FCRLB: variants seen among roughly 807,000 people sequenced by gnomAD.
FCRLB encodes Fc receptor-like B.
Under a neutral mutation model 33.6 loss-of-function variants are expected in FCRLB, and 34 were observed. The ratio of observed to expected loss-of-function variants is 1.01; its 90% CI spans 0.77 to 1.35. The LOEUF (loss-of-function observed/expected upper bound fraction) is 1.35, where lower values mean the gene tolerates loss of function less well. Ranked by LOEUF, FCRLB falls within the 40% of genes most tolerant of loss-of-function variation. FCRLB has a pLI of 0.00. For synonymous variants in FCRLB, 280 were observed against 255.9 expected (o/e 1.09, Z -0.90); for missense variants, 560 against 580.2 (o/e 0.97, Z 0.36).
chr1:161,721,580 G>C (rs1206442411), exon 1 of FCRLB: 1 of 152,150 alleles, frequency 6.6e-6, no homozygotes, highest in Non-Finnish European at 1.5e-5. Context: ...TATCTTCCTG[G>C]GAGTTGACAG....
chr1:161,723,551 A>G (rs763043596), exon 5 of FCRLB: 3 of 1,614,170 alleles, frequency 1.9e-6, no homozygotes, highest in Admixed American at 3.3e-5. Context: ...AGGTGCAGAC[A>G]CCAGGGGTGT....
In FCRLB at chr1:161,723,639, G is replaced by T. The variant is rs538594471; in HGVS notation, c.307+18G>T. 1.2e-6 allele frequency: 2 copies of T among 1,607,988 alleles called. No homozygotes were observed. The highest frequency in any genetic ancestry group is 8.5e-7 in the Non-Finnish European group (1 of 1,175,826). Reference sequence around the variant, plus strand: ...ATCCAATGGTGAGTGGACTGAGCACGAGGGGAGGGGGAGCACGTGTCTCCT... The same window carrying T: ...ATCCAATGGTGAGTGGACTGAGCACTAGGGGAGGGGGAGCACGTGTCTCCT... On this transcript the variant is annotated intron_variant, in intron 5 of 7. Transcript: ENST00000367948.
rs1403594535 is a variant in FCRLB at position 161,726,220 on chromosome 1, G to A, written c.574+133G>A. On this transcript the variant is annotated intron_variant, in intron 6 of 7. Coordinates refer to ENST00000367948, the Ensembl canonical transcript of FCRLB. The surrounding 1 kb of genome is among the most constrained non-coding windows in gnomAD (Gnocchi z 5.2). ...GGAGGGTTTCTCTTAGACTATGGACGCTGTCTCCTCTCCTTTGCCGTGAAG... is the reference window on the plus strand; with the variant it reads ...GGAGGGTTTCTCTTAGACTATGGACACTGTCTCCTCTCCTTTGCCGTGAAG... 7.1e-7 allele frequency: 1 copy of A among 1,407,276 alleles called. No individual in the cohort carries two copies. Among genetic ancestry groups the A allele is most frequent in the Non-Finnish European group, 9.8e-7 (1 of 1,016,724 alleles). 87.2% of individuals were successfully genotyped at this position (1,407,276 alleles called of 1,614,324 possible). A position where few individuals can be genotyped will look rare whatever the true frequency, so the allele number is the denominator to read the frequency against.
At chr1:161,723,557 G>A (rs1335979105) in exon 5 of FCRLB, 2 of 1,614,196 alleles carry the variant, frequency 1.2e-6, no homozygotes, top group East Asian at 2.2e-5. Flanking sequence ...AGACACCAGG[G>A]GTGTATCGAT....
At chr1:161,725,287 T>C (rs1348403595) in intron 5 of FCRLB, among the ~76,000 whole-genome samples, 1 of 152,140 alleles carries the variant, frequency 6.6e-6, no homozygotes, top group African/African-American at 2.4e-5. Flanking sequence ...CACCTACAAA[T>C]ATATCTTGCA....
At chr1:161,727,757 T>C (rs12044611) in exon 8 of FCRLB, 75,548 of 1,416,480 alleles carry the variant, frequency 0.053, 2,214 homozygotes, top group Non-Finnish European at 0.059. Flanking sequence ...TTTGCATCCT[T>C]GTGTTTTGCT....
chr1:161,723,107 G>T, intron 4 of FCRLB, 98 bp downstream of exon 4: 1 of 1,469,076 alleles, frequency 6.8e-7, no homozygotes, highest in South Asian at 1.1e-5. Flanking sequence ...TGGCTGCGCT[G>T]GGATAGTGTC....
chr1:161,724,452 C>A (rs569012893), intron 5 of FCRLB, among the ~76,000 whole-genome samples: 94 of 137,920 alleles, frequency 6.8e-4, no homozygotes, highest in Non-Finnish European at 1.3e-3. Context: ...AAAAAAATAG[C>A]TGGGCATGAT....
At chr1:161,727,709 C>G in exon 8 of FCRLB, 1 of 1,517,954 alleles carries the variant, frequency 6.6e-7, no homozygotes, top group Non-Finnish European at 8.8e-7. Context: ...CCTTGGTCTC[C>G]TGCTTCCCCT....
At chr1:161,727,795 T>C in exon 8 of FCRLB, 1 of 1,131,822 alleles carries the variant, frequency 8.8e-7, no homozygotes. Context: ...GCCCACGAAG[T>C]GTAGTGGCTG....
intron 3 of FCRLB, 35 bp downstream of exon 3, chr1:161,722,738 G>A (rs200309648): frequency 9.4e-5 from 152 of 1,612,910 alleles, no homozygotes; most frequent in Non-Finnish European, 1.2e-4. Context: ...AGAGCTTTGG[G>A]TGGTGGAGAA....
Position 161,726,073 on chromosome 1 carries a change from CTG to C in FCRLB, c.563_564del (p.Val188AspfsTer123), listed in dbSNP as rs1191837253. Reference sequence around the variant, plus strand: ...GCGCCCATGTTCTCCGCTAAGGTGGCTGTGACAGTGCAAGGTGGGAGAGACCA... The same window carrying C: ...GCGCCCATGTTCTCCGCTAAGGTGGCTGACAGTGCAAGGTGGGAGAGACCA... On this transcript the variant is annotated frameshift_variant, in exon 6 of 8. Coordinates refer to ENST00000367948, the Ensembl canonical transcript of FCRLB. LOFTEE classifies it high-confidence loss of function. This position sits in a 1 kb window ranked among gnomAD's most constrained non-coding sequence, Gnocchi z 5.2. The C allele has an allele frequency of 2.5e-6, 4 of 1,609,318 alleles. No homozygotes were observed. Among genetic ancestry groups the C allele is most frequent in the Non-Finnish European group, 2.5e-6 (3 of 1,176,700 alleles).
exon 5 of FCRLB, chr1:161,723,587 C>T (rs544994907): frequency 4.4e-5 from 71 of 1,614,004 alleles, no homozygotes; most frequent in South Asian, 3.0e-4. Context: ...GGGGAGCACC[C>T]GTCAGTGACC....
At chr1:161,727,105 T>G in intron 7 of FCRLB, 112 bp downstream of exon 7, 1 of 980,838 alleles carries the variant, frequency 1.0e-6, no homozygotes, top group Non-Finnish European at 1.3e-6. Flanking sequence ...CCCCCCGCCT[T>G]TCCCATCTCC....
chr1:161,723,221 C>T (rs905579710), intron 4 of FCRLB, 146 bp from the exon 5 acceptor site: 1 of 1,100,438 alleles, frequency 9.1e-7, no homozygotes, highest in Non-Finnish European at 1.3e-6. Context: ...AATGTGATCT[C>T]CTCTCCTGCA....
rs1264000078 is a variant in FCRLB, at chr1:161,726,628, T to C, written c.575-75T>C. The C allele has an allele frequency of 6.5e-7, 1 of 1,537,464 alleles. No individual in the cohort carries two copies. Among genetic ancestry groups the C allele is most frequent in the African/African-American group, 1.4e-5 (1 of 73,120 alleles). On this transcript the variant is annotated intron_variant, in intron 6 of 7. Transcript: ENST00000367948. This position sits in a 1 kb window ranked among gnomAD's most constrained non-coding sequence, Gnocchi z 5.2. Reference sequence around the variant, plus strand: ...TGGTCTGTGGGTCTGCAAGGAGCCCTCGCGGGAAGCAGGAAGGAGCGGGGT... The same window carrying C: ...TGGTCTGTGGGTCTGCAAGGAGCCCCCGCGGGAAGCAGGAAGGAGCGGGGT...
rs1683571021 is a variant in FCRLB at position 161,726,554 on chromosome 1, G to T, written c.575-149G>T. The T allele has an allele frequency of 1.8e-6, 2 of 1,136,790 alleles. No individual in the cohort carries two copies. Among genetic ancestry groups the T allele is most frequent in the Middle Eastern group, 1.9e-4 (1 of 5,246 alleles). The allele number at this position is 1,136,790 out of a possible 1,614,324, so 70.4% of individuals were successfully genotyped here. A position where few individuals can be genotyped will look rare whatever the true frequency, so the allele number is the denominator to read the frequency against. ...GTCCCCCTGCCCCACATTTCAGAAG[G>T]CTCCCCTTCCCCCTCCACGTGGACA... On this transcript the variant is annotated intron_variant, in intron 6 of 7. Transcript: ENST00000367948. This position sits in a 1 kb window ranked among gnomAD's most constrained non-coding sequence, Gnocchi z 5.2.
Position 161,726,066 on chromosome 1 carries a change from A to G in FCRLB, c.553A>G (p.Lys185Glu). 6.2e-7 allele frequency: 1 copy of G among 1,611,498 alleles called. No homozygotes were observed. The highest frequency in any genetic ancestry group is 8.5e-7 in the Non-Finnish European group (1 of 1,178,256). ...GGAGAGCGCGCCCATGTTCTCCGCTAAGGTGGCTGTGACAGTGCAAGGTGG... is the reference window on the plus strand; with the variant it reads ...GGAGAGCGCGCCCATGTTCTCCGCTGAGGTGGCTGTGACAGTGCAAGGTGG... The change falls in exon 6 of 8, where the codon AAG becomes GAG. Residue 185 changes from lysine (K) to glutamate (E), a missense_variant. Lys to Glu is a moderately conservative substitution (Grantham distance 56). Coordinates refer to ENST00000367948, the Ensembl canonical transcript of FCRLB. The surrounding 1 kb of genome is among the most constrained non-coding windows in gnomAD (Gnocchi z 5.2).
At chr1:161,724,820 TATA>T (rs1683487560) in intron 5 of FCRLB, among the ~76,000 whole-genome samples, 1 of 152,226 alleles carries the variant, frequency 6.6e-6, no homozygotes. Context: ...GTAAGCGTGC[TATA>T]ATGATCACAG....
Sources: allele counts gnomAD v4.1 joint callset (sites outside exome capture counted in the v4.1 genomes callset), GRCh38; gene constraint gnomAD v4.1.1; non-coding constraint Gnocchi (gnomAD v3.1); transcripts MANE v1.5; gene names NCBI Gene and HGNC (gene_info 2026-07-23, HGNC 2026-07-21).